TENM1: variants seen among roughly 807,000 people sequenced by gnomAD.
TENM1 encodes teneurin transmembrane protein 1, also known as teneurin-1.
Under a neutral mutation model 174.8 loss-of-function variants are expected in TENM1, and 35 were observed. That is an observed-to-expected ratio of 0.20 (90% CI 0.15 to 0.27). The LOEUF is 0.27. Ranked by LOEUF, TENM1 falls within the 10% of genes least tolerant of loss-of-function variation. The pLI, the probability that TENM1 is intolerant of heterozygous loss-of-function variation, is 1.00. For missense variants in TENM1, 1,633 were observed against 2,130.1 expected (o/e 0.77, Z 4.59); for synonymous variants, 781 against 798.7 (o/e 0.98, Z 0.37).
chrX:124,401,898 C>T (rs1169275228), intron 27 of TENM1, among the ~76,000 whole-genome samples: 2 of 112,247 alleles, frequency 1.8e-5, no homozygotes, highest in Admixed American at 1.9e-4. Flanking sequence ...GCCTCCCACA[C>T]TTGCCAGTAC....
At chrX:124,468,221 G>C (rs1450384439) in intron 22 of TENM1, among the ~76,000 whole-genome samples, 1 of 109,022 alleles carries the variant, frequency 9.2e-6, no homozygotes, top group African/African-American at 3.3e-5. Context: ...TGTCACCCAG[G>C]CTGGAGTGCA....
chrX:124,584,952 A>T (rs1569324169), intron 11 of TENM1, among the ~76,000 whole-genome samples: 2 of 109,992 alleles, frequency 1.8e-5, no homozygotes. Flanking sequence ...CCATTACATA[A>T]TGGTAAAGGG....
chrX:124,646,220 C>T (rs1047166295), intron 9 of TENM1, among the ~76,000 whole-genome samples: 1 of 112,315 alleles, frequency 8.9e-6, no homozygotes, highest in African/African-American at 3.2e-5. Flanking sequence ...TCTGACTTTC[C>T]AGTCGTTACT....
At chrX:124,634,975 T>C (rs2050845711) in intron 11 of TENM1, among the ~76,000 whole-genome samples, 1 of 111,917 alleles carries the variant, frequency 8.9e-6, no homozygotes, top group Non-Finnish European at 1.9e-5. Flanking sequence ...TATGTATGTG[T>C]ATCTCCATAC....
the TENM1 span, among the ~76,000 whole-genome samples, chrX:125,089,168 T>C: frequency 7.2e-5 from 8 of 111,885 alleles, no homozygotes; most frequent in Admixed American, 9.5e-5. Flanking sequence ...TGGTCTCTTA[T>C]AAAGGTCTGC....
the TENM1 span, among the ~76,000 whole-genome samples, chrX:125,138,249 A>ATT: frequency 0.015 from 1,545 of 104,875 alleles, 31 homozygotes; most frequent in African/African-American, 0.051. Context: ...GGCTCAAAAG[A>ATT]TTTTTTTTTT....
At chrX:124,677,477 C>T (rs2052117833) in intron 5 of TENM1, among the ~76,000 whole-genome samples, 1 of 111,264 alleles carries the variant, frequency 9.0e-6, no homozygotes, top group African/African-American at 3.3e-5. Context: ...ATGTTGATAT[C>T]TATCACTATT....
chrX:124,874,720 T>C lies in TENM1; in HGVS notation c.535+19576A>G, dbSNP rs757359990. ...CTAGAATTTATTCTGGTGTAGGGAG[T>C]GAGGTACGGAGGGAAGCAACTTTAT... On this transcript the variant is annotated intron_variant, in intron 3 of 31. Transcript: ENST00000422452. Among the ~76,000 whole-genome samples the C allele has an allele frequency of 6.3e-5, 7 of 110,317 alleles. 1 individual carries two copies. The South Asian group carries it at 2.7e-3, about 42-fold the overall frequency.
At chrX:124,563,400 TA>T (rs1843047451) in intron 13 of TENM1, among the ~76,000 whole-genome samples, 1 of 108,239 alleles carries the variant, frequency 9.2e-6, no homozygotes, top group Non-Finnish European at 1.9e-5. Flanking sequence ...AATTATTTAA[TA>T]ATTATTAAAT....
chrX:124,396,010 G>C (rs150213675), intron 27 of TENM1, among the ~76,000 whole-genome samples: 115 of 111,634 alleles, frequency 1.0e-3, no homozygotes, highest in African/African-American at 3.6e-3. Flanking sequence ...AGGGATCACT[G>C]TTTAAAATCC....
At chrX:124,851,892 A>G (rs1354840770) in intron 3 of TENM1, among the ~76,000 whole-genome samples, 3 of 111,294 alleles carry the variant, frequency 2.7e-5, no homozygotes, top group Non-Finnish European at 5.7e-5. Context: ...TTGAAACACA[A>G]TGTAAATATG....
rs769435195 is a variant in TENM1, at chrX:124,756,991, G to A, written c.536-19794C>T. Among the ~76,000 whole-genome samples the A allele has an allele frequency of 8.1e-3, 905 of 112,160 alleles. 13 individuals are homozygous for A. Among genetic ancestry groups the A allele is most frequent in the African/African-American group, 0.028 (850 of 30,883 alleles). ...TCTGCCCGTTCTCAGATCTCCAGCT[G>A]CGTGCTGGGAGAACCACTGGTCTCT... On this transcript the variant is annotated intron_variant, in intron 3 of 31. Transcript: ENST00000422452.
At chrX:124,404,478 G>C (rs892136407) in intron 27 of TENM1, among the ~76,000 whole-genome samples, 5 of 111,841 alleles carry the variant, frequency 4.5e-5, no homozygotes, top group Non-Finnish European at 9.4e-5. Flanking sequence ...GCAGCTCTGA[G>C]TACCTCAGCC....
exon 27 of TENM1, chrX:124,405,094 G>A (rs766658845): frequency 1.4e-5 from 17 of 1,209,735 alleles, no homozygotes; most frequent in Admixed American, 1.1e-4. Flanking sequence ...GCCGCCACTC[G>A]ATGAGGTTTG....
At chrX:124,420,708 T>C in exon 25 of TENM1, 1 of 1,211,797 alleles carries the variant, frequency 8.3e-7, no homozygotes, top group Non-Finnish European at 1.1e-6. Flanking sequence ...TGGTTCCTGC[T>C]GATGGTACGA....
At chrX:124,380,862 G>A (rs143244046) in exon 32 of TENM1, 99 of 1,209,195 alleles carry the variant, frequency 8.2e-5, no homozygotes, top group Non-Finnish European at 1.1e-4. Flanking sequence ...TCTGCAAACC[G>A]TCTAGTCCTC....
the TENM1 span, among the ~76,000 whole-genome samples, chrX:125,123,917 T>C: frequency 8.9e-6 from 1 of 112,755 alleles, no homozygotes; most frequent in Non-Finnish European, 1.9e-5. Context: ...TTAAATGCTT[T>C]GTAATGTAGA....
intron 23 of TENM1, among the ~76,000 whole-genome samples, chrX:124,435,784 C>T (rs2060830507): frequency 2.7e-5 from 3 of 111,735 alleles, no homozygotes; most frequent in African/African-American, 9.8e-5. Context: ...TACAAAACTG[C>T]ACTCACTCAA....
intron 1 of TENM1, among the ~76,000 whole-genome samples, chrX:124,946,354 G>A (rs1407190214): frequency 9.0e-6 from 1 of 111,489 alleles, no homozygotes; most frequent in Non-Finnish European, 1.9e-5. Flanking sequence ...TCAAGGGAGA[G>A]GTCAAAGCTG....
Sources: allele counts gnomAD v4.1 joint callset (sites outside exome capture counted in the v4.1 genomes callset), GRCh38; gene constraint gnomAD v4.1.1; transcripts MANE v1.5; gene names NCBI Gene and HGNC (gene_info 2026-07-23, HGNC 2026-07-21).